TC2N: variants seen among roughly 807,000 people sequenced by gnomAD.
The protein encoded by TC2N is tandem C2 domains, nuclear, also known as tandem C2 domains nuclear protein.
Under a neutral mutation model 61.9 loss-of-function variants are expected in TC2N, and 51 were observed. That is an observed-to-expected ratio of 0.82 (90% confidence interval 0.66 to 1.04). The LOEUF (loss-of-function observed/expected upper bound fraction) is 1.04. Ranked by LOEUF, TC2N falls within the 50% of genes least tolerant of loss-of-function variation. TC2N has a pLI of 0.00. For synonymous variants in TC2N, 204 were observed against 192.6 expected (o/e 1.06, Z -0.49); for missense variants, 556 against 566.7 (o/e 0.98, Z 0.19).
chr14:91,799,102 T>A, intron 5 of TC2N, 38 bp from the exon 6 acceptor site: 1 of 1,386,038 alleles, frequency 7.2e-7, no homozygotes, highest in Non-Finnish European at 1.0e-6. Flanking sequence ...AAATTGCATA[T>A]GAAACCTTAA....
rs369995089 is a variant in TC2N at position 91,791,158 on chromosome 14, G to A, written c.1047+1209C>T. Among the ~76,000 whole-genome samples, 54 of 86,884 alleles carry A rather than the reference G, an allele frequency of 6.2e-4. No homozygotes were observed. The East Asian group carries it at 9.4e-3, about 15-fold the overall frequency. 57.0% of individuals were successfully genotyped at this position (86,884 alleles called of 152,430 possible). A position where few individuals can be genotyped will look rare whatever the true frequency, so the allele number is the denominator to read the frequency against. On this transcript the variant is annotated intron_variant, in intron 9 of 11. Coordinates refer to ENST00000435962, the MANE Select transcript of TC2N (RefSeq NM_001128596.3). The stretch of plus-strand genomic sequence containing the variant: ...AAAAAAAGGGGAAGGGAAGGGAGGG[G>A]AAGGGAAGGGAAGGGAAAGGAGGGG...
chr14:91,816,912 A>C (rs1033501908), intron 1 of TC2N, among the ~76,000 whole-genome samples: 1 of 151,862 alleles, frequency 6.6e-6, no homozygotes, highest in African/African-American at 2.4e-5. Context: ...TTTTAATCTT[A>C]AATTCTTATA....
intron 1 of TC2N, among the ~76,000 whole-genome samples, chr14:91,825,163 A>G (rs1887443037): frequency 6.7e-6 from 1 of 149,112 alleles, no homozygotes; most frequent in Non-Finnish European, 1.5e-5. Flanking sequence ...CCTCCTGAGT[A>G]GCTGGGATTA....
At chr14:91,846,371 A>AT (rs528917474) in intron 1 of TC2N, among the ~76,000 whole-genome samples, 24 of 151,052 alleles carry the variant, frequency 1.6e-4, no homozygotes, top group African/African-American at 3.6e-4. Flanking sequence ...ATCAAGAAGA[A>AT]TTTTTTTTTT....
intron 1 of TC2N, among the ~76,000 whole-genome samples, chr14:91,865,504 A>G (rs1035662912): frequency 1.3e-5 from 2 of 151,976 alleles, no homozygotes; most frequent in Admixed American, 6.6e-5. Context: ...AACAATCTGT[A>G]TATTTGTTTG....
intron 1 of TC2N, among the ~76,000 whole-genome samples, chr14:91,839,589 G>C (rs1177449231): frequency 2.0e-5 from 3 of 152,184 alleles, no homozygotes; most frequent in Non-Finnish European, 4.4e-5. Flanking sequence ...TCAACAGTTT[G>C]TTGAATAAAT....
chr14:91,842,151 T>A (rs1174137991), intron 1 of TC2N, among the ~76,000 whole-genome samples: 2 of 151,612 alleles, frequency 1.3e-5, no homozygotes, highest in Non-Finnish European at 2.9e-5. Flanking sequence ...TAGAGACAGG[T>A]TTTTACCATG....
chr14:91,806,819 AATC>A (rs763822332), intron 3 of TC2N, among the ~76,000 whole-genome samples: 1 of 152,212 alleles, frequency 6.6e-6, no homozygotes, highest in African/African-American at 2.4e-5. Context: ...GCCAAATGTT[AATC>A]ATCAAGACAA....
chr14:91,860,034 TCTAA>T (rs750244076), intron 1 of TC2N, among the ~76,000 whole-genome samples: 52 of 152,184 alleles, frequency 3.4e-4, no homozygotes, highest in Non-Finnish European at 6.0e-4. Context: ...TCAGTAGGGT[TCTAA>T]CTAAGGACCT....
At chr14:91,835,566 C>T (rs991610195) in intron 1 of TC2N, among the ~76,000 whole-genome samples, 2 of 152,102 alleles carry the variant, frequency 1.3e-5, no homozygotes, top group Non-Finnish European at 2.9e-5. Flanking sequence ...TTGTCTATAC[C>T]CAGATGTCTA....
Position 91,779,903 on chromosome 14 carries a change from C to G in TC2N, c.*3197G>C, listed in dbSNP as rs763938713. 1.3e-5 allele frequency: 2 copies of G among 152,112 alleles called. No individual in the cohort carries two copies. The highest frequency in any genetic ancestry group is 2.9e-5 in the Non-Finnish European group (2 of 68,028). The allele number at this position is 152,112 out of a possible 1,614,324, so 9.4% of individuals were successfully genotyped here. ...ACATTCATCTTCCTACAATTCTTCA[C>G]CCACAAAATAAAATCCAATTTAGGA... On this transcript the variant is annotated 3_prime_UTR_variant, in exon 12 of 12. Transcript: ENST00000435962.
In TC2N at chr14:91,846,551, G is replaced by A. The variant is rs150390942; in HGVS notation, c.-57+20711C>T. Among the ~76,000 whole-genome samples, 1,122 of 152,282 alleles carry A rather than the reference G, an allele frequency of 7.4e-3. 13 individuals are homozygous for A. The highest frequency in any genetic ancestry group is 0.024 in the African/African-American group (990 of 41,558). On this transcript the variant is annotated intron_variant, in intron 1 of 11. Transcript: ENST00000435962. ...GTTGTTTCCAACTCTCTTACCAAAA[G>A]AGGCATCCAGCCCAACAGCTCTCAA... is the stretch of plus-strand genomic sequence containing the variant.
chr14:91,822,916 C>T (rs150302233), intron 1 of TC2N, among the ~76,000 whole-genome samples: 2,859 of 151,470 alleles, frequency 0.019, 85 homozygotes, highest in African/African-American at 0.065. Flanking sequence ...GGGGTTTCAC[C>T]GTGTTAGCCA....
At chr14:91,864,691 A>T (rs1221427644) in intron 1 of TC2N, among the ~76,000 whole-genome samples, 1 of 152,166 alleles carries the variant, frequency 6.6e-6, no homozygotes, top group African/African-American at 2.4e-5. Flanking sequence ...GCCTTAAATC[A>T]ATGTTAATTA....
rs778330838 is a variant in TC2N, at chr14:91,812,493, A to G, written c.120T>C (p.Thr40=). 1.9e-5 allele frequency: 31 copies of G among 1,609,358 alleles called. No homozygotes were observed. The highest frequency in any genetic ancestry group is 2.6e-5 in the Non-Finnish European group (31 of 1,176,766). ...KAAVPNSQNA[T]ISVPPLTSVS... is the part of the protein sequence containing the mutation. ...CAGAAGTCAATGGAGGTACAGAGAT[A>G]GTAGCATTTTGACTATTTGGGACTG... The change falls in exon 3 of 12, where the codon ACT becomes ACC. Residue 40 remains threonine, a synonymous_variant. Coordinates refer to ENST00000435962, the MANE Select transcript of TC2N (RefSeq NM_001128596.3).
Position 91,791,379 on chromosome 14 carries a change from A to G in TC2N, c.1047+988T>C, listed in dbSNP as rs562159817. Among the ~76,000 whole-genome samples the G allele has an allele frequency of 2.6e-4, 40 of 152,298 alleles. 1 individual carries two copies. The highest frequency in any genetic ancestry group is 3.4e-3 in the Middle Eastern group (1 of 294). On this transcript the variant is annotated intron_variant, in intron 9 of 11. Transcript: ENST00000435962. The stretch of plus-strand genomic sequence containing the variant: ...TCCAGTCACCTTAAATATTTTTGGA[A>G]ACAGGTAAAATATAAATCCCATACA...
At chr14:91,831,464 T>C (rs1887767022) in intron 1 of TC2N, among the ~76,000 whole-genome samples, 1 of 152,338 alleles carries the variant, frequency 6.6e-6, no homozygotes, top group South Asian at 2.1e-4. Context: ...GTGGATAACT[T>C]GTTCTCTCAA....
chr14:91,807,086 G>T (rs1001080051), intron 3 of TC2N, among the ~76,000 whole-genome samples: 1 of 152,228 alleles, frequency 6.6e-6, no homozygotes, highest in Non-Finnish European at 1.5e-5. Context: ...GAGCCTGCAG[G>T]TGCATAGAAG....
chr14:91,862,269 G>A (rs1888605899), intron 1 of TC2N, among the ~76,000 whole-genome samples: 1 of 149,880 alleles, frequency 6.7e-6, no homozygotes, highest in Non-Finnish European at 1.5e-5. Context: ...AAGCCCAGGA[G>A]ATGGAGGTTG....
Sources: allele counts gnomAD v4.1 joint callset (sites outside exome capture counted in the v4.1 genomes callset), GRCh38; gene constraint gnomAD v4.1.1; transcripts MANE v1.5; gene names NCBI Gene and HGNC (gene_info 2026-07-23, HGNC 2026-07-21).